DNAH14: variants seen among roughly 807,000 people sequenced by gnomAD.
The protein encoded by DNAH14 is axonemal beta dynein heavy chain 14.
A neutral mutation model predicts 520.9 loss-of-function variants in DNAH14; 478 were observed. That is an observed-to-expected ratio of 0.92 (90% CI 0.85 to 0.99). The LOEUF (loss-of-function observed/expected upper bound fraction) is 0.99. DNAH14 is among the 50% of genes least tolerant of loss of function. DNAH14 has a pLI of 0.00. For synonymous variants in DNAH14, 1,581 were observed against 1,757.2 expected, an observed-to-expected ratio of 0.90 and a Z score of 2.51; for missense variants, 4,831 against 5,234.5, an observed-to-expected ratio of 0.92 and a Z score of 2.38.
intron 8 of DNAH14, among the ~76,000 whole-genome samples, chr1:224,975,642 G>A (rs895497194): frequency 2.0e-5 from 3 of 150,952 alleles, no homozygotes; most frequent in African/African-American, 7.4e-5. Flanking sequence ...TCTTGCTTGC[G>A]GTCTTTCAAT....
In DNAH14 at chr1:224,960,230, A is replaced by G. The variant is rs201089763; in HGVS notation, c.295A>G (p.Arg99Gly). 1.2e-3 allele frequency: 1,906 copies of G among 1,611,936 alleles called. 4 individuals are homozygous for G. Among genetic ancestry groups the G allele is most frequent in the Non-Finnish European group, 1.4e-3 (1,709 of 1,178,914 alleles). ...PASLKEKGKS[R>G]RKKDQTHACP... ...TTCCCTTAAGGAGAAAGGGAAGTCA[A>G]GGAGAAAAAAGGATCAAACTCATGC... Residue 99 changes from arginine to glycine, a missense_variant, in exon 4 of 86, where the codon AGG becomes GGG. Arg to Gly is a moderately radical substitution (Grantham distance 125). Transcript: ENST00000682510.
chr1:225,328,556 A>G (rs1187858335), intron 64 of DNAH14, among the ~76,000 whole-genome samples: 3 of 152,176 alleles, frequency 2.0e-5, no homozygotes, highest in Non-Finnish European at 4.4e-5. Flanking sequence ...TCACTCAGCT[A>G]CATACTTCCT....
chr1:225,308,970 A>G (rs2150116960), intron 60 of DNAH14, among the ~76,000 whole-genome samples: 1 of 152,204 alleles, frequency 6.6e-6, no homozygotes, highest in East Asian at 1.9e-4. Context: ...TAATCAAGCA[A>G]CTCCATCAAT....
At chr1:224,943,706 G>A (rs1176966850) in intron 1 of DNAH14, among the ~76,000 whole-genome samples, 11 of 151,986 alleles carry the variant, frequency 7.2e-5, no homozygotes, top group Admixed American at 5.9e-4. Flanking sequence ...CTTTGTTCTC[G>A]TTGGTTTCAA....
intron 1 of DNAH14, among the ~76,000 whole-genome samples, chr1:224,940,584 A>G (rs1393106053): frequency 6.6e-6 from 1 of 151,948 alleles, no homozygotes; most frequent in Admixed American, 6.6e-5. Flanking sequence ...GGTTAGTTAC[A>G]TATGTATGCA....
chr1:225,131,710 A>G (rs1196984469), intron 27 of DNAH14, among the ~76,000 whole-genome samples: 1 of 152,210 alleles, frequency 6.6e-6, no homozygotes, highest in African/African-American at 2.4e-5. Flanking sequence ...TACTACATGC[A>G]TATTTGCTAG....
At chr1:225,009,304 G>T (rs2064483679) in intron 10 of DNAH14, among the ~76,000 whole-genome samples, 1 of 152,120 alleles carries the variant, frequency 6.6e-6, no homozygotes, top group Non-Finnish European at 1.5e-5. Flanking sequence ...AAGGGGTCCA[G>T]TTTCAGTTTT....
intron 41 of DNAH14, among the ~76,000 whole-genome samples, chr1:225,212,103 G>C (rs1156668781): frequency 8.1e-5 from 10 of 123,534 alleles, no homozygotes; most frequent in Non-Finnish European, 1.6e-4. Flanking sequence ...TCCCCACCCT[G>C]TGTCAAGTGT....
intron 35 of DNAH14, among the ~76,000 whole-genome samples, chr1:225,164,246 G>A (rs760159354): frequency 6.6e-6 from 1 of 151,860 alleles, no homozygotes; most frequent in Admixed American, 6.6e-5. Flanking sequence ...TCTTTTATCA[G>A]CCTCCTATAT....
rs1322209788 is a variant in DNAH14, at chr1:225,051,672, T to C, written c.2301T>C (p.Gly767=). ...ATATGGCCATTGAGAAGCGTATTGG[T>C]ATTTTCAACGTTGTAAGTCTTGATT... ...IVNMAIEKRI[G]IFNVVSLDYQ... Residue 767 remains glycine, a synonymous_variant, in exon 17 of 86, where the codon GGT becomes GGC. Coordinates refer to ENST00000682510, the MANE Select transcript of DNAH14 (RefSeq NM_001367479.1). 6.4e-7 allele frequency: 1 copy of C among 1,551,154 alleles called. No homozygotes were observed. Among genetic ancestry groups the C allele is most frequent in the Non-Finnish European group, 8.7e-7 (1 of 1,146,656 alleles).
intron 26 of DNAH14, 106 bp from the exon 27 acceptor site, chr1:225,123,412 AAGAAATCAG>A (rs1261256494): frequency 4.7e-6 from 1 of 212,636 alleles, no homozygotes; most frequent in African/African-American, 2.3e-5. Context: ...CGTTAGAACA[AAGAAATCAG>A]AGATCTTAAA....
At chr1:224,942,932 C>T (rs761179532) in intron 1 of DNAH14, among the ~76,000 whole-genome samples, 1 of 152,120 alleles carries the variant, frequency 6.6e-6, no homozygotes, top group Non-Finnish European at 1.5e-5. Context: ...ATTTTTGCAT[C>T]GATGTTCATC....
Position 225,100,823 on chromosome 1 carries a change from G to A in DNAH14, c.3806G>A (p.Gly1269Glu), listed in dbSNP as rs1173546192. The change falls in exon 23 of 86, where the codon GGA (glycine) becomes GAA (glutamate). Residue 1269 changes from glycine to glutamate, a missense_variant. By Grantham distance (98) the Gly-to-Glu change is moderately conservative. Coordinates refer to ENST00000682510, the MANE Select transcript of DNAH14 (RefSeq NM_001367479.1). Reference sequence around the variant, plus strand: ...GCTTTGCAGATAACCACTTCTGCAGGAGTCCTTGAAATTCTGCAAAATTGT... The same window carrying A: ...GCTTTGCAGATAACCACTTCTGCAGAAGTCCTTGAAATTCTGCAAAATTGT... ...QNALQITTSA[G>E]VLEILQNCNI... The A allele has an allele frequency of 1.3e-6, 2 of 1,533,920 alleles. No individual in the cohort carries two copies. The highest frequency in any genetic ancestry group is 1.8e-6 in the Non-Finnish European group (2 of 1,141,994).
intron 1 of DNAH14, among the ~76,000 whole-genome samples, chr1:224,936,115 AGG>A: frequency 6.6e-6 from 1 of 151,918 alleles, no homozygotes; most frequent in Middle Eastern, 3.2e-3. Flanking sequence ...GAAAAAAAGT[AGG>A]AAGATTACTA....
intron 25 of DNAH14, among the ~76,000 whole-genome samples, chr1:225,118,604 C>T (rs758141583): frequency 9.2e-5 from 14 of 152,026 alleles, no homozygotes; most frequent in Admixed American, 2.0e-4. Flanking sequence ...TGAGGAAGGC[C>T]GGGTGCAGTG....
At position 225,303,326 on chromosome 1, in the gene DNAH14, G is replaced by A; in HGVS notation, c.8802G>A (p.Lys2934=). The change falls in exon 57 of 86, where the codon AAG becomes AAA. Residue 2934 remains lysine, a synonymous_variant. Coordinates refer to ENST00000682510, the MANE Select transcript of DNAH14 (RefSeq NM_001367479.1). ...TAGCTAACTCATTCTTAAAAGAAAA[G>A]GTCAATTTTGAGAACAGAGAGGTAA... is the stretch of plus-strand genomic sequence containing the variant. The part of the protein sequence containing the change: ...LIVANSFLKE[K]VNFENRENLK... The A allele has an allele frequency of 1.3e-6, 2 of 1,545,022 alleles. No individual in the cohort carries two copies. The highest frequency in any genetic ancestry group is 1.7e-6 in the Non-Finnish European group (2 of 1,145,312).
intron 54 of DNAH14, among the ~76,000 whole-genome samples, chr1:225,289,467 A>G (rs6681438): frequency 0.049 from 7,523 of 152,284 alleles, 291 homozygotes; most frequent in Non-Finnish European, 0.073. Flanking sequence ...TTTTAAAACA[A>G]TACTTACTTT....
chr1:225,107,636 G>C lies in DNAH14; in HGVS notation c.3867+6752G>C, dbSNP rs543300431. ...GAGGCAGGGGCTCTCCAAAGCACAGGACAGGAACCCCACCTGCCATGGATA... is the reference window on the plus strand; with the variant it reads ...GAGGCAGGGGCTCTCCAAAGCACAGCACAGGAACCCCACCTGCCATGGATA... On this transcript the variant is annotated intron_variant, in intron 23 of 85. Coordinates refer to ENST00000682510, the MANE Select transcript of DNAH14 (RefSeq NM_001367479.1). 5.9e-5 allele frequency among the ~76,000 whole-genome samples: 9 copies of C among 152,260 alleles called. 1 individual carries two copies. In the East Asian group the frequency reaches 1.7e-3, roughly 29 times the overall value.
chr1:225,152,744 G>C lies in DNAH14; in HGVS notation c.5057G>C (p.Arg1686Pro). 3.2e-6 allele frequency: 5 copies of C among 1,550,982 alleles called. No individual in the cohort carries two copies. The highest frequency in any genetic ancestry group is 1.7e-4 in the Middle Eastern group (1 of 5,992). The change falls in exon 33 of 86, where the codon CGC becomes CCC. Residue 1686 changes from arginine to proline, a missense_variant. Arg to Pro is a moderately radical substitution (Grantham distance 103, BLOSUM62 -2). Coordinates refer to ENST00000682510, the MANE Select transcript of DNAH14 (RefSeq NM_001367479.1). ...CCAGATAACTTAAAATCTCTGTTTC[G>C]CCCAGTGGCAATGATGGTGCCCCAT... is the stretch of plus-strand genomic sequence containing the variant. ...ELPDNLKSLF[R>P]PVAMMVPHYQ...
Sources: allele counts gnomAD v4.1 joint callset (sites outside exome capture counted in the v4.1 genomes callset), GRCh38; gene constraint gnomAD v4.1.1; transcripts MANE v1.5; gene names NCBI Gene and HGNC (gene_info 2026-07-23, HGNC 2026-07-21).